Variants in LAMC1 observed in about 807,000 individuals in gnomAD.
LAMC1 encodes laminin subunit gamma 1.
In LAMC1, 38 loss-of-function variants were observed where a neutral mutation model predicts 173.6. That is an observed-to-expected ratio of 0.22 (90% CI 0.17 to 0.29). The LOEUF (loss-of-function observed/expected upper bound fraction) is 0.29. LAMC1 is among the 10% of genes least tolerant of loss of function. The pLI, the probability that LAMC1 is intolerant of heterozygous loss-of-function variation, is 1.00. For synonymous variants in LAMC1, 746 were observed against 749.1 expected (o/e 1.00, Z 0.07); for missense variants, 1,824 against 2,051.8 (o/e 0.89, Z 2.14).
At chr1:183,094,922 C>G (rs1655654491) in intron 1 of LAMC1, among the ~76,000 whole-genome samples, 1 of 118,390 alleles carries the variant, frequency 8.4e-6, no homozygotes, top group Admixed American at 9.7e-5. Flanking sequence ...TCTCAGCTCA[C>G]TGCAACCTCT....
At chr1:183,130,309 A>C in intron 18 of LAMC1, 35 bp from the exon 19 acceptor site, 1 of 1,548,070 alleles carries the variant, frequency 6.5e-7, no homozygotes, top group Non-Finnish European at 8.9e-7. Flanking sequence ...TCCTCTTCAG[A>C]TAATTTACAG....
chr1:183,092,944 C>G (rs1347469325), intron 1 of LAMC1, among the ~76,000 whole-genome samples: 1 of 152,070 alleles, frequency 6.6e-6, no homozygotes, highest in African/African-American at 2.4e-5. Context: ...TCTTGAACAC[C>G]CCTTTCCCCC....
chr1:183,119,059 G>A (rs180774735), intron 11 of LAMC1, among the ~76,000 whole-genome samples: 2 of 152,034 alleles, frequency 1.3e-5, no homozygotes, highest in East Asian at 3.9e-4. Context: ...ACCACACCCA[G>A]CTAATTTTTG....
rs1464864547 is a variant in LAMC1, at chr1:183,112,328, CAT to C, written c.1021+1675_1021+1676del. ...AATATGTGGCATCTAAATAAATGGA[CAT>C]GTGTGCTTGAAAAGCATTCTGCTTA... On this transcript the variant is annotated intron_variant, in intron 4 of 27. Coordinates refer to ENST00000258341, the MANE Select transcript of LAMC1 (RefSeq NM_002293.4). 3.9e-5 allele frequency among the ~76,000 whole-genome samples: 6 copies of C among 152,304 alleles called. No homozygotes were observed. In the East Asian group the frequency reaches 5.8e-4, roughly 15 times the overall value.
At chr1:183,105,467 G>A (rs1655955027) in intron 2 of LAMC1, among the ~76,000 whole-genome samples, 1 of 152,092 alleles carries the variant, frequency 6.6e-6, no homozygotes, top group Non-Finnish European at 1.5e-5. Context: ...TTGTAACTGT[G>A]GTTTTCTGGC....
At chr1:183,026,812 T>G (rs369583545) in intron 1 of LAMC1, among the ~76,000 whole-genome samples, 23 of 152,306 alleles carry the variant, frequency 1.5e-4, no homozygotes, top group African/African-American at 5.3e-4. Context: ...GAAATGTAAG[T>G]AGTTATGTAA....
chr1:183,137,948 C>T (rs553881905), intron 26 of LAMC1, 121 bp downstream of exon 26: 58 of 929,454 alleles, frequency 6.2e-5, no homozygotes, highest in Non-Finnish European at 8.0e-5. Context: ...CACATTGTCT[C>T]GTCAAGAATT....
chr1:183,117,605 G>A lies in LAMC1; in HGVS notation c.1759G>A (p.Asp587Asn), dbSNP rs752105551. 1 of 1,614,110 alleles carries A rather than the reference G, an allele frequency of 6.2e-7. No homozygotes were observed. The highest frequency in any genetic ancestry group is 1.1e-5 in the South Asian group (1 of 91,088). ...CTTCTCCTTTCGAGTGGACAGGCGA[G>A]ATACTCGCCTCTCTGCAGAAGACCT... is the stretch of plus-strand genomic sequence containing the variant. ...LSFSFRVDRR[D>N]TRLSAEDLVL... is the part of the protein sequence containing the mutation. The change falls in exon 10 of 28, where the codon GAT (aspartate) becomes AAT (asparagine). Residue 587 changes from aspartate (D) to asparagine (N), a missense_variant. Transcript: ENST00000258341.
intron 1 of LAMC1, among the ~76,000 whole-genome samples, chr1:183,092,805 T>C (rs1655598509): frequency 6.6e-6 from 1 of 152,162 alleles, no homozygotes; most frequent in South Asian, 2.1e-4. Context: ...CCACATCTCT[T>C]AGACCCACTC....
chr1:183,132,069 C>T (rs1446746414), intron 20 of LAMC1, among the ~76,000 whole-genome samples: 3 of 152,136 alleles, frequency 2.0e-5, no homozygotes, highest in Admixed American at 6.5e-5. Context: ...GAGGCCAAGG[C>T]GGGTGGATCA....
At chr1:183,137,488 T>G (rs1656977822) in intron 25 of LAMC1, among the ~76,000 whole-genome samples, 181 bp from the exon 26 acceptor site, 1 of 151,836 alleles carries the variant, frequency 6.6e-6, no homozygotes, top group South Asian at 2.1e-4. Context: ...TGGGTAGTAA[T>G]TTTTTTTATG....
chr1:183,044,335 A>G (rs926714669), intron 1 of LAMC1, among the ~76,000 whole-genome samples: 3 of 152,118 alleles, frequency 2.0e-5, no homozygotes. Flanking sequence ...AGTGTGACAC[A>G]GCAGTGCTTA....
At chr1:183,120,315 T>G (rs765885571) in intron 11 of LAMC1, among the ~76,000 whole-genome samples, 2 of 152,054 alleles carry the variant, frequency 1.3e-5, no homozygotes, top group South Asian at 2.1e-4. Flanking sequence ...TGGACTATAA[T>G]TTGGGAGTAG....
intron 25 of LAMC1, among the ~76,000 whole-genome samples, chr1:183,136,893 C>T (rs2102112012): frequency 6.6e-6 from 1 of 152,218 alleles, no homozygotes; most frequent in East Asian, 1.9e-4. Flanking sequence ...AATAAACATT[C>T]TTCTTTGACC....
At chr1:183,075,675 C>G (rs1655106863) in intron 1 of LAMC1, among the ~76,000 whole-genome samples, 1 of 152,128 alleles carries the variant, frequency 6.6e-6, no homozygotes, top group African/African-American at 2.4e-5. Context: ...CTCAAGGGAC[C>G]TCTTGTTTAC....
At chr1:183,032,137 T>C (rs925085163) in intron 1 of LAMC1, among the ~76,000 whole-genome samples, 1 of 152,180 alleles carries the variant, frequency 6.6e-6, no homozygotes, top group Admixed American at 6.5e-5. Context: ...GTATGTCTGC[T>C]TTTCTATGTG....
At chr1:183,030,805 T>C (rs376923135) in intron 1 of LAMC1, among the ~76,000 whole-genome samples, 4 of 152,174 alleles carry the variant, frequency 2.6e-5, no homozygotes, top group East Asian at 1.9e-4. Context: ...TGTTAATTTG[T>C]ATTTTTTTCC....
intron 1 of LAMC1, among the ~76,000 whole-genome samples, chr1:183,066,301 C>CTGAGGT (rs1164256787): frequency 2.0e-5 from 3 of 152,146 alleles, no homozygotes; most frequent in Non-Finnish European, 4.4e-5. Context: ...TCCTGAAAAG[C>CTGAGGT]ATCTGCCATG....
intron 2 of LAMC1, among the ~76,000 whole-genome samples, chr1:183,106,720 C>T (rs1468180116): frequency 6.6e-6 from 1 of 152,204 alleles, no homozygotes; most frequent in Admixed American, 6.5e-5. Flanking sequence ...TATGATTTCT[C>T]ATGATTCTGT....
Sources: allele counts gnomAD v4.1 joint callset (sites outside exome capture counted in the v4.1 genomes callset), GRCh38; gene constraint gnomAD v4.1.1; transcripts MANE v1.5; gene names NCBI Gene and HGNC (gene_info 2026-07-23, HGNC 2026-07-21).